Variants in UHRF1 observed in about 807,000 individuals in gnomAD.
The protein encoded by UHRF1 is ubiquitin like with PHD and ring finger domains 1.
Under a neutral mutation model 96.5 loss-of-function variants are expected in UHRF1, and 9 were observed. The observed-to-expected ratio is 0.09, with a 90% CI of 0.06 to 0.16. The LOEUF is 0.16. Among genes scored for constraint, UHRF1 ranks in the 10% least tolerant of loss-of-function variants. The probability of loss-of-function intolerance (pLI) is 1.00; values close to 1 mark genes in which losing one functional copy is unlikely to be tolerated. For missense variants in UHRF1, 626 were observed against 1,131.1 expected (o/e 0.55, Z 6.40); for synonymous variants, 455 against 469.9 (o/e 0.97, Z 0.41).
chr19:4,935,869 A>T (rs994223758), intron 5 of UHRF1, among the ~76,000 whole-genome samples: 1 of 152,084 alleles, frequency 6.6e-6, no homozygotes, highest in Non-Finnish European at 1.5e-5. Context: ...CGCACCAGTT[A>T]TACACCAGCT....
intron 10 of UHRF1, 69 bp downstream of exon 10, chr19:4,946,034 A>G (rs1423645643): frequency 8.0e-7 from 1 of 1,257,474 alleles, no homozygotes; most frequent in Non-Finnish European, 1.1e-6. Context: ...AAATACATAG[A>G]ACAAAATTTC....
At chr19:4,949,362 ATTC>A (rs1256480793) in intron 11 of UHRF1, among the ~76,000 whole-genome samples, 1 of 152,226 alleles carries the variant, frequency 6.6e-6, no homozygotes, top group Admixed American at 6.6e-5. Context: ...TAAATGATCT[ATTC>A]TTGTCACTCT....
At chr19:4,927,010 A>G (rs2032893439) in intron 2 of UHRF1, among the ~76,000 whole-genome samples, 1 of 152,020 alleles carries the variant, frequency 6.6e-6, no homozygotes, top group Non-Finnish European at 1.5e-5. Context: ...GCAGTGAGCC[A>G]AGATCGTGCC....
intron 16 of UHRF1, among the ~76,000 whole-genome samples, chr19:4,958,127 C>A (rs1420311533): frequency 1.3e-5 from 2 of 152,228 alleles, no homozygotes; most frequent in Non-Finnish European, 2.9e-5. Flanking sequence ...ATCTCTGCCT[C>A]CTCGGGCCCC....
chr19:4,923,377 G>A (rs1442867808), intron 2 of UHRF1, among the ~76,000 whole-genome samples: 3 of 152,108 alleles, frequency 2.0e-5, no homozygotes, highest in South Asian at 2.1e-4. Context: ...GCAGCCCCTC[G>A]CCCAGGGCTG....
intron 2 of UHRF1, 63 bp from the exon 3 acceptor site, chr19:4,929,159 T>A: frequency 6.4e-7 from 1 of 1,564,234 alleles, no homozygotes; most frequent in South Asian, 1.2e-5. Flanking sequence ...TCATCACTGG[T>A]GCCCACAGAT....
chr19:4,950,829 G>A (rs368130103), intron 12 of UHRF1, 30 bp from the exon 13 acceptor site: 10 of 1,613,892 alleles, frequency 6.2e-6, no homozygotes, highest in South Asian at 5.5e-5. Flanking sequence ...TGCCTCTGAT[G>A]GAGCTGACGC....
chr19:4,946,736 A>G (rs945034698), intron 10 of UHRF1, among the ~76,000 whole-genome samples: 6 of 152,002 alleles, frequency 3.9e-5, no homozygotes, highest in Admixed American at 3.9e-4. Flanking sequence ...TGCCACGCCA[A>G]ACTAATTTTT....
chr19:4,940,566 T>C (rs377098540), intron 5 of UHRF1, among the ~76,000 whole-genome samples: 627 of 147,532 alleles, frequency 4.2e-3, no homozygotes, highest in African/African-American at 0.016. Flanking sequence ...GGGGTTTCAC[T>C]ATGTTGGCCA....
At chr19:4,934,865 G>C (rs2033171809) in intron 5 of UHRF1, among the ~76,000 whole-genome samples, 1 of 152,102 alleles carries the variant, frequency 6.6e-6, no homozygotes, top group Non-Finnish European at 1.5e-5. Flanking sequence ...GCGTGGCTCG[G>C]GTGTGGTGTG....
At chr19:4,940,051 C>G (rs1438854865) in intron 5 of UHRF1, among the ~76,000 whole-genome samples, 1 of 150,674 alleles carries the variant, frequency 6.6e-6, no homozygotes, top group African/African-American at 2.4e-5. Flanking sequence ...CATGGGCTTT[C>G]AGAGACCTGG....
Position 4,960,687 on chromosome 19 carries a change from G to A in UHRF1, c.2266G>A (p.Val756Met). ...CCTGGACAGATCCTTTCGGGCACAG[G>A]TGTTCAGCTGCCCTGCCTGCCGCTA... is the stretch of plus-strand genomic sequence containing the variant. ...DCLDRSFRAQ[V>M]FSCPACRYDL... is the part of the protein sequence containing the mutation. Residue 756 changes from valine (V) to methionine (M), a missense_variant, in exon 17 of 17, where the codon GTG becomes ATG. By Grantham distance (21) the Val-to-Met change is conservative. This residue lies in a region of UHRF1 where 84 missense variants were observed against 150.3 expected (regional missense o/e 0.56). Transcript: ENST00000650932. The A allele has an allele frequency of 6.2e-7, 1 of 1,608,764 alleles. No homozygotes were observed. Among genetic ancestry groups the A allele is most frequent in the South Asian group, 1.1e-5 (1 of 90,234 alleles).
At chr19:4,934,684 C>T (rs17886276) in intron 5 of UHRF1, among the ~76,000 whole-genome samples, 1,848 of 152,264 alleles carry the variant, frequency 0.012, 18 homozygotes, top group Non-Finnish European at 0.019. Flanking sequence ...TCTATAAACA[C>T]GAGCATCTTG....
In UHRF1 at chr19:4,942,323, T is replaced by C. The variant is rs909102410; in HGVS notation, c.1073+392T>C. ...CTCCTGCCTCAGCCTCCCGAGTAGCTGGGACTACAGGCGCCCGCCTCCACG... is the reference window on the plus strand; with the variant it reads ...CTCCTGCCTCAGCCTCCCGAGTAGCCGGGACTACAGGCGCCCGCCTCCACG... On this transcript the variant is annotated intron_variant, in intron 7 of 16. Transcript: ENST00000650932. Among the ~76,000 whole-genome samples the C allele has an allele frequency of 1.8e-4, 28 of 152,156 alleles. 1 individual carries two copies. Among genetic ancestry groups the C allele is most frequent in the Admixed American group, 1.8e-3 (27 of 15,258 alleles).
At chr19:4,915,390 G>A (rs1444563165) in intron 2 of UHRF1, among the ~76,000 whole-genome samples, 3 of 152,196 alleles carry the variant, frequency 2.0e-5, no homozygotes, top group South Asian at 2.1e-4. Flanking sequence ...ACCGGTGGGC[G>A]TGGCTTTGTT....
At chr19:4,953,612 C>T (rs571057058) in intron 13 of UHRF1, among the ~76,000 whole-genome samples, 1 of 152,096 alleles carries the variant, frequency 6.6e-6, no homozygotes, top group East Asian at 1.9e-4. Flanking sequence ...TACAGATGCA[C>T]ACCACCAGGC....
chr19:4,942,152 TTTG>T (rs1404923765), intron 7 of UHRF1, among the ~76,000 whole-genome samples: 1 of 152,144 alleles, frequency 6.6e-6, no homozygotes, highest in Non-Finnish European at 1.5e-5. Context: ...TGTTTCTTTT[TTTG>T]TTTGTTTTTT....
chr19:4,945,920 C>T lies in UHRF1; in HGVS notation c.1365C>T (p.Asp455=), dbSNP rs370750875. 247 of 1,571,072 alleles carry T rather than the reference C, an allele frequency of 1.6e-4. 1 individual carries two copies. Among genetic ancestry groups the T allele is most frequent in the Admixed American group, 1.8e-4 (10 of 55,802 alleles). Residue 455 remains aspartate (D), a synonymous_variant, in exon 10 of 17, where the codon GAC becomes GAT. Transcript: ENST00000650932. Reference sequence around the variant, plus strand: ...CTGGCATACACGGCCGGAGCAACGACGGAGCGTACTCCCTAGTCCTGGCGG... The same window carrying T: ...CTGGCATACACGGCCGGAGCAACGATGGAGCGTACTCCCTAGTCCTGGCGG... ...HVAGIHGRSN[D]GAYSLVLAGG...
Position 4,954,297 on chromosome 19 carries a change from C to A in UHRF1, c.1819-53C>A. 6.9e-6 allele frequency: 11 copies of A among 1,591,210 alleles called. No homozygotes were observed. Among genetic ancestry groups the A allele is most frequent in the Non-Finnish European group, 9.4e-6 (11 of 1,170,170 alleles). Reference sequence around the variant, plus strand: ...AAGGAGGCTGGAAGAGCGGGCTCTGCATAGCGTGTGGGCCCCAAGCCTGAC... The same window carrying A: ...AAGGAGGCTGGAAGAGCGGGCTCTGAATAGCGTGTGGGCCCCAAGCCTGAC... On this transcript the variant is annotated intron_variant, in intron 13 of 16. Coordinates refer to ENST00000650932, the MANE Select transcript of UHRF1 (RefSeq NM_001048201.3). The surrounding 1 kb of genome is among the most constrained non-coding windows in gnomAD (Gnocchi z 5.9).
Sources: gnomAD v4.1 joint callset for allele counts (sites outside exome capture counted in the v4.1 genomes callset) on GRCh38, gnomAD v4.1.1 for gene constraint, gnomAD v4.1.1 regional missense constraint, Gnocchi (gnomAD v3.1) non-coding constraint, MANE v1.5 for transcripts, NCBI Gene and HGNC (gene_info 2026-07-23, HGNC 2026-07-21) for gene names.